IL1RAPL2: variants seen among roughly 807,000 people sequenced by gnomAD.
IL1RAPL2 encodes the protein X-linked interleukin-1 receptor accessory protein-like 2.
A neutral mutation model predicts 44.1 loss-of-function variants in IL1RAPL2; 3 were observed. That is an observed-to-expected ratio of 0.07 (90% CI 0.03 to 0.18). IL1RAPL2 has a LOEUF of 0.18. Among genes scored for constraint, IL1RAPL2 ranks in the 10% least tolerant of loss-of-function variants. The probability of loss-of-function intolerance (pLI) is 1.00; values close to 1 mark genes in which losing one functional copy is unlikely to be tolerated. For missense variants in IL1RAPL2, 391 were observed against 496.4 expected, an observed-to-expected ratio of 0.79 and a Z score of 2.02; for synonymous variants, 181 against 178.8, an observed-to-expected ratio of 1.01 and a Z score of -0.10.
intron 5 of IL1RAPL2, among the ~76,000 whole-genome samples, chrX:105,295,273 G>T (rs1375049503): frequency 1.8e-5 from 2 of 111,717 alleles, no homozygotes; most frequent in Non-Finnish European, 3.8e-5. Flanking sequence ...GATTACTCTG[G>T]AAGTGGTAAA....
Position 104,674,210 on chromosome X carries a change from A to T in IL1RAPL2, c.82+15215A>T, listed in dbSNP as rs779660518. 7.1e-5 allele frequency among the ~76,000 whole-genome samples: 8 copies of T among 112,118 alleles called. No individual in the cohort carries two copies. In the East Asian group the frequency reaches 1.4e-3, roughly 20 times the overall value. On this transcript the variant is annotated intron_variant, in intron 2 of 10. Coordinates refer to ENST00000372582, the MANE Select transcript of IL1RAPL2 (RefSeq NM_017416.2). The stretch of plus-strand genomic sequence containing the variant: ...AAGGGAATGCTTCCAGTTTTTGCCC[A>T]TTCAGTATGATATCGGCTGTGGGTT...
chrX:105,700,616 C>T (rs927202854), intron 6 of IL1RAPL2, among the ~76,000 whole-genome samples: 10 of 111,141 alleles, frequency 9.0e-5, no homozygotes, highest in African/African-American at 2.9e-4. Context: ...GAAACCAAAG[C>T]CTACTTCTAT....
At chrX:104,678,410 C>A (rs959176289) in intron 2 of IL1RAPL2, among the ~76,000 whole-genome samples, 4 of 111,625 alleles carry the variant, frequency 3.6e-5, no homozygotes, top group Admixed American at 9.5e-5. Context: ...GAAGTAGAAC[C>A]CCATTTGTCA....
At chrX:104,956,495 T>TGTGTGTGTG (rs1556020850) in intron 2 of IL1RAPL2, among the ~76,000 whole-genome samples, 10 of 108,584 alleles carry the variant, frequency 9.2e-5, no homozygotes, top group Non-Finnish European at 1.3e-4. Flanking sequence ...TGTGTGTGTG[T>TGTGTGTGTG]TATGCCGGGC....
At chrX:104,896,702 A>G (rs933652474) in intron 2 of IL1RAPL2, among the ~76,000 whole-genome samples, 1 of 111,935 alleles carries the variant, frequency 8.9e-6, no homozygotes, top group Non-Finnish European at 1.9e-5. Flanking sequence ...AGCCAGCAGC[A>G]GCAACCCACT....
In IL1RAPL2 at chrX:105,383,561, A is replaced by G. The variant is rs188952019; in HGVS notation, c.698-100752A>G. Among the ~76,000 whole-genome samples the G allele has an allele frequency of 2.5e-4, 28 of 112,515 alleles. 1 individual carries two copies. Among genetic ancestry groups the G allele is most frequent in the Admixed American group, 1.5e-3 (16 of 10,585 alleles). The stretch of plus-strand genomic sequence containing the variant: ...GCTTGGCTATTGAGAAAAGTGCTGC[A>G]ATAAACATGGGAATATACAGGTATT... On this transcript the variant is annotated intron_variant, in intron 5 of 10. Coordinates refer to ENST00000372582, the MANE Select transcript of IL1RAPL2 (RefSeq NM_017416.2).
chrX:104,848,874 T>G (rs1284338854), intron 2 of IL1RAPL2, among the ~76,000 whole-genome samples: 2 of 111,240 alleles, frequency 1.8e-5, no homozygotes, highest in African/African-American at 6.5e-5. Flanking sequence ...GTTAGTAATT[T>G]ATGTTTTAGT....
chrX:104,587,148 T>A (rs1358510465), intron 1 of IL1RAPL2, among the ~76,000 whole-genome samples: 5 of 112,000 alleles, frequency 4.5e-5, no homozygotes, highest in Non-Finnish European at 9.4e-5. Flanking sequence ...GGTAAGTTGC[T>A]TAACTTCTTT....
At chrX:104,603,387 G>A (rs1019353958) in intron 1 of IL1RAPL2, among the ~76,000 whole-genome samples, 6 of 111,585 alleles carry the variant, frequency 5.4e-5, no homozygotes, top group Non-Finnish European at 1.9e-5. Flanking sequence ...AAACCAGAAC[G>A]CCTCTTCTCC....
intron 5 of IL1RAPL2, among the ~76,000 whole-genome samples, chrX:105,411,651 G>C (rs1258377395): frequency 1.8e-5 from 2 of 111,089 alleles, no homozygotes; most frequent in African/African-American, 6.5e-5. Flanking sequence ...CAGCACCAGA[G>C]CACCCAAATA....
At chrX:105,213,569 G>C (rs1444536309) in intron 3 of IL1RAPL2, among the ~76,000 whole-genome samples, 1 of 111,191 alleles carries the variant, frequency 9.0e-6, no homozygotes, top group East Asian at 2.9e-4. Context: ...ACATTATCCA[G>C]GAGAACTTCC....
At chrX:105,679,926 T>TATTA (rs748184126) in intron 6 of IL1RAPL2, among the ~76,000 whole-genome samples, 46 of 112,117 alleles carry the variant, frequency 4.1e-4, no homozygotes, top group Middle Eastern at 4.6e-3. Flanking sequence ...AAAAGCTCTT[T>TATTA]ATTATGTGTG....
intron 2 of IL1RAPL2, among the ~76,000 whole-genome samples, chrX:104,876,066 T>C (rs888604018): frequency 2.9e-4 from 32 of 111,500 alleles, no homozygotes; most frequent in Admixed American, 2.9e-4. Flanking sequence ...GGTTGAATGA[T>C]TTCTCTTTTA....
intron 6 of IL1RAPL2, among the ~76,000 whole-genome samples, chrX:105,693,540 A>G (rs2038052989): frequency 8.9e-6 from 1 of 112,127 alleles, no homozygotes; most frequent in Non-Finnish European, 1.9e-5. Flanking sequence ...TCAGAAGCAG[A>G]TGCTGGTCCA....
At chrX:105,028,318 TAAC>T (rs1249504947) in intron 2 of IL1RAPL2, among the ~76,000 whole-genome samples, 4 of 111,059 alleles carry the variant, frequency 3.6e-5, no homozygotes, top group Non-Finnish European at 7.6e-5. Context: ...CATATAAAAA[TAAC>T]TACAAGACTG....
intron 2 of IL1RAPL2, among the ~76,000 whole-genome samples, chrX:104,688,328 G>C (rs1417533632): frequency 1.8e-5 from 2 of 111,593 alleles, no homozygotes; most frequent in Non-Finnish European, 3.8e-5. Context: ...GGACTTATCA[G>C]GGCCTTTGAT....
At chrX:105,449,515 C>T (rs947109080) in intron 5 of IL1RAPL2, among the ~76,000 whole-genome samples, 3 of 108,846 alleles carry the variant, frequency 2.8e-5, no homozygotes, top group Non-Finnish European at 3.8e-5. Context: ...ACCCGGGAGG[C>T]GGAGCTTGCA....
chrX:104,668,777 G>A (rs747888956), intron 2 of IL1RAPL2, among the ~76,000 whole-genome samples: 6 of 108,622 alleles, frequency 5.5e-5, no homozygotes, highest in Admixed American at 2.0e-4. Flanking sequence ...CTGAAGTAGC[G>A]TTTTACCATC....
intron 3 of IL1RAPL2, among the ~76,000 whole-genome samples, chrX:105,202,945 A>G (rs1227259239): frequency 8.9e-6 from 1 of 111,756 alleles, no homozygotes; most frequent in Non-Finnish European, 1.9e-5. Context: ...TTTATTTTAT[A>G]TTCTTAGACC....
Sources: gnomAD v4.1 joint callset for allele counts (sites outside exome capture counted in the v4.1 genomes callset) on GRCh38, gnomAD v4.1.1 for gene constraint, MANE v1.5 for transcripts, NCBI Gene and HGNC (gene_info 2026-07-23, HGNC 2026-07-21) for gene names.